The following SIK3 variants were observed in gnomAD, a reference collection of about 807,000 sequenced individuals.
The protein encoded by SIK3 is serine/threonine-protein kinase SIK3.
SIK3 carries 28 observed loss-of-function variants against 144.2 expected under a neutral mutation model. That is an observed-to-expected ratio of 0.19 (90% confidence interval 0.14 to 0.27). SIK3 has a LOEUF of 0.27. SIK3 is among the 10% of genes least tolerant of loss of function. SIK3 has a pLI of 1.00. For missense variants in SIK3, 1,319 were observed against 1,776.0 expected, an observed-to-expected ratio of 0.74 and a Z score of 4.62; for synonymous variants, 686 against 676.3, an observed-to-expected ratio of 1.01 and a Z score of -0.22.
At chr11:116,912,398 A>G (rs972958043) in intron 4 of SIK3, among the ~76,000 whole-genome samples, 1 of 152,232 alleles carries the variant, frequency 6.6e-6, no homozygotes, top group African/African-American at 2.4e-5. Context: ...AATCAGGGCA[A>G]CTGCAACAGG....
chr11:116,944,795 T>C (rs946875328), intron 3 of SIK3, among the ~76,000 whole-genome samples: 7 of 152,216 alleles, frequency 4.6e-5, no homozygotes, highest in African/African-American at 1.7e-4. Context: ...CCTGAACTTG[T>C]AGGTGACAGC....
In SIK3 at chr11:116,863,799, T is replaced by A; in HGVS notation, c.1972A>T (p.Asn658Tyr). 6.2e-7 allele frequency: 1 copy of A among 1,613,054 alleles called. No individual in the cohort carries two copies. The highest frequency in any genetic ancestry group is 8.5e-7 in the Non-Finnish European group (1 of 1,179,354). The stretch of plus-strand genomic sequence containing the variant: ...CGCTCCGTAGGGAGGTGCAGAGTGT[T>A]GGAGTCCTTGTAGGTAGAGCTGAAT... The part of the protein sequence containing the change: ...DQHRSTYKDS[N>Y]TLHLPTERFS... The change falls in exon 16 of 25, where the codon AAC (asparagine) becomes TAC (tyrosine). Residue 658 changes from asparagine (N) to tyrosine (Y), a missense_variant. Physicochemically the swap from Asn to Tyr is moderately radical, Grantham distance 143 (BLOSUM62 -2). Around this residue, in one of 8 missense-constraint regions of SIK3, gnomAD observed 47 missense variants for 40.2 expected, o/e 1.17. Transcript: ENST00000445177.
At chr11:116,897,752 G>A (rs1315114850) in intron 4 of SIK3, among the ~76,000 whole-genome samples, 7 of 152,086 alleles carry the variant, frequency 4.6e-5, no homozygotes, top group African/African-American at 1.7e-4. Context: ...GCGTGGTGGC[G>A]TGCGCCTGTA....
intron 12 of SIK3, 89 bp downstream of exon 12, chr11:116,873,814 C>T: frequency 6.6e-7 from 1 of 1,516,016 alleles, no homozygotes; most frequent in Non-Finnish European, 8.8e-7. Flanking sequence ...TAAGTAAACC[C>T]TTAAGTCCTA....
At chr11:117,072,087 C>G (rs554302030) in intron 1 of SIK3, among the ~76,000 whole-genome samples, 3 of 151,848 alleles carry the variant, frequency 2.0e-5, no homozygotes, top group South Asian at 4.2e-4. Flanking sequence ...ATCTCAAATA[C>G]TAAAATGACT....
intron 1 of SIK3, among the ~76,000 whole-genome samples, chr11:116,985,926 T>C (rs588918): frequency 0.85 from 129,328 of 152,112 alleles, 55,606 homozygotes; most frequent in Non-Finnish European, 0.89. Context: ...TGCGGGCTAT[T>C]GGAAGAAAAT....
At chr11:117,060,373 G>C (rs186779210) in intron 1 of SIK3, among the ~76,000 whole-genome samples, 1 of 152,190 alleles carries the variant, frequency 6.6e-6, no homozygotes, top group East Asian at 1.9e-4. Context: ...GAGGCAGGCG[G>C]ATCACCTGAG....
At chr11:116,986,178 G>T (rs922685487) in intron 1 of SIK3, among the ~76,000 whole-genome samples, 1 of 152,148 alleles carries the variant, frequency 6.6e-6, no homozygotes, top group Non-Finnish European at 1.5e-5. Flanking sequence ...GGTTTGTAGT[G>T]TCAGGCAGAC....
intron 3 of SIK3, among the ~76,000 whole-genome samples, chr11:116,952,334 C>G (rs1042640092): frequency 7.2e-5 from 11 of 152,110 alleles, no homozygotes; most frequent in Admixed American, 6.5e-5. Flanking sequence ...CCCAGGAGTT[C>G]GAGGCTGCAG....
intron 1 of SIK3, among the ~76,000 whole-genome samples, chr11:117,036,390 A>C (rs888736345): frequency 2.6e-5 from 4 of 152,186 alleles, no homozygotes; most frequent in Non-Finnish European, 5.9e-5. Flanking sequence ...CATTCTGACC[A>C]TTCTGATTGT....
chr11:116,962,835 A>G (rs1182453628), intron 1 of SIK3, among the ~76,000 whole-genome samples: 3 of 152,190 alleles, frequency 2.0e-5, no homozygotes, highest in Admixed American at 6.5e-5. Flanking sequence ...GGAAATTATA[A>G]TATTTTAGAT....
chr11:116,983,182 C>T (rs937497911), intron 1 of SIK3, among the ~76,000 whole-genome samples: 29 of 143,456 alleles, frequency 2.0e-4, no homozygotes, highest in African/African-American at 4.7e-4. Flanking sequence ...AGCCAAGATT[C>T]GGCCACTGCA....
At chr11:116,937,160 T>A (rs771440536) in intron 3 of SIK3, among the ~76,000 whole-genome samples, 1 of 152,222 alleles carries the variant, frequency 6.6e-6, no homozygotes, top group Non-Finnish European at 1.5e-5. Flanking sequence ...TTTATATCCA[T>A]GAAGCACTGC....
chr11:117,060,990 T>C (rs1018707490), intron 1 of SIK3, among the ~76,000 whole-genome samples: 2 of 152,188 alleles, frequency 1.3e-5, no homozygotes, highest in Admixed American at 6.5e-5. Context: ...CTCACACCTG[T>C]AATATCAGAA....
At chr11:117,044,458 T>C (rs540786333) in intron 1 of SIK3, among the ~76,000 whole-genome samples, 7 of 150,788 alleles carry the variant, frequency 4.6e-5, no homozygotes, top group Non-Finnish European at 8.8e-5. Flanking sequence ...AGCCAAGACA[T>C]ACAACTAGAC....
chr11:116,914,805 T>C (rs560913624), intron 4 of SIK3, among the ~76,000 whole-genome samples: 2 of 152,288 alleles, frequency 1.3e-5, no homozygotes, highest in African/African-American at 2.4e-5. Context: ...AAGAAATCAG[T>C]ACAGTTACCT....
chr11:116,853,812 A>G (rs977263462), intron 21 of SIK3, among the ~76,000 whole-genome samples: 1 of 152,218 alleles, frequency 6.6e-6, no homozygotes, highest in South Asian at 2.1e-4. Context: ...TGCAAAGTCA[A>G]AAAGATCAAG....
chr11:116,951,465 T>A (rs1948932957), intron 3 of SIK3, among the ~76,000 whole-genome samples: 2 of 152,126 alleles, frequency 1.3e-5, no homozygotes, highest in South Asian at 4.1e-4. Context: ...AATTATAGGT[T>A]GGTGCAAAAG....
intron 1 of SIK3, among the ~76,000 whole-genome samples, chr11:116,987,732 G>A (rs1417282450): frequency 6.6e-6 from 1 of 152,166 alleles, no homozygotes; most frequent in Non-Finnish European, 1.5e-5. Context: ...ACAGGGGGAG[G>A]AGGTAGTAGT....
Sources: allele counts gnomAD v4.1 joint callset (sites outside exome capture counted in the v4.1 genomes callset), GRCh38; gene constraint gnomAD v4.1.1; regional missense constraint gnomAD v4.1.1; transcripts MANE v1.5; gene names NCBI Gene and HGNC (gene_info 2026-07-23, HGNC 2026-07-21).